The following CDKAL1 variants were observed in gnomAD, a reference collection of about 807,000 sequenced individuals.
The protein encoded by CDKAL1 is threonylcarbamoyladenosine tRNA methylthiotransferase.
CDKAL1 carries 32 observed loss-of-function variants against 68.2 expected under a neutral mutation model. The observed-to-expected ratio is 0.47, with a 90% CI of 0.35 to 0.63. The LOEUF (loss-of-function observed/expected upper bound fraction) is 0.63. Among genes scored for constraint, CDKAL1 ranks in the 30% least tolerant of loss-of-function variants. The pLI is 0.00. For missense variants in CDKAL1, 606 were observed against 696.7 expected (o/e 0.87, Z 1.47); for synonymous variants, 234 against 244.3 (o/e 0.96, Z 0.39).
At chr6:21,138,125 G>T (rs1224664646) in intron 13 of CDKAL1, among the ~76,000 whole-genome samples, 1 of 152,058 alleles carries the variant, frequency 6.6e-6, no homozygotes, top group Non-Finnish European at 1.5e-5. Flanking sequence ...AAATGTCTGG[G>T]TAAATAGTTT....
chr6:20,968,166 GT>G (rs897952341), intron 10 of CDKAL1, among the ~76,000 whole-genome samples: 15 of 134,418 alleles, frequency 1.1e-4, no homozygotes, highest in African/African-American at 2.7e-4. Flanking sequence ...TTTTTTTTTT[GT>G]TTTTTTTTTG....
intron 13 of CDKAL1, among the ~76,000 whole-genome samples, chr6:21,132,739 C>G (rs1238177378): frequency 6.6e-6 from 1 of 152,030 alleles, no homozygotes; most frequent in Non-Finnish European, 1.5e-5. Flanking sequence ...CTGTATTACT[C>G]TTCTGGAAGA....
chr6:20,584,719 C>T (rs918941759), intron 4 of CDKAL1, among the ~76,000 whole-genome samples: 10 of 152,130 alleles, frequency 6.6e-5, no homozygotes, highest in Non-Finnish European at 1.5e-4. Flanking sequence ...GCTAGGAACC[C>T]AAAGATGACA....
chr6:20,740,623 T>G (rs1773412880), intron 6 of CDKAL1, among the ~76,000 whole-genome samples: 1 of 152,192 alleles, frequency 6.6e-6, no homozygotes, highest in South Asian at 2.1e-4. Context: ...GGCATCTGCT[T>G]TGAACTTTAT....
chr6:20,943,765 T>A (rs1764103389), intron 9 of CDKAL1, among the ~76,000 whole-genome samples: 1 of 151,996 alleles, frequency 6.6e-6, no homozygotes, highest in African/African-American at 2.4e-5. Context: ...TCTGACTGTG[T>A]TCCTATTGAT....
chr6:21,226,047 G>A (rs1344324779), intron 15 of CDKAL1, among the ~76,000 whole-genome samples: 1 of 152,196 alleles, frequency 6.6e-6, no homozygotes, highest in Non-Finnish European at 1.5e-5. Flanking sequence ...AGAATCCTCA[G>A]ATGGAGCTGG....
chr6:21,221,239 A>G (rs1779529135), intron 15 of CDKAL1, among the ~76,000 whole-genome samples: 1 of 151,908 alleles, frequency 6.6e-6, no homozygotes, highest in African/African-American at 2.4e-5. Flanking sequence ...AATTTTTTTC[A>G]TGGAGGGGAA....
intron 9 of CDKAL1, among the ~76,000 whole-genome samples, chr6:20,922,269 C>T (rs1014372933): frequency 2.0e-5 from 3 of 152,078 alleles, no homozygotes; most frequent in Non-Finnish European, 4.4e-5. Context: ...AAGTCAGACA[C>T]GAAAGGAATC....
At chr6:20,722,479 C>T (rs1452997545) in intron 5 of CDKAL1, 1 of 312,504 alleles carries the variant, frequency 3.2e-6, no homozygotes, top group Non-Finnish European at 6.1e-6. Context: ...AGCCTTTTTA[C>T]AGAATTCCAG....
chr6:20,873,452 T>TTA (rs951638343), intron 9 of CDKAL1, among the ~76,000 whole-genome samples: 24 of 152,258 alleles, frequency 1.6e-4, no homozygotes, highest in African/African-American at 5.1e-4. Context: ...GTGATTATAT[T>TTA]TATAATCACG....
chr6:20,769,755 A>C (rs187646037), intron 7 of CDKAL1, among the ~76,000 whole-genome samples: 31 of 152,318 alleles, frequency 2.0e-4, no homozygotes, highest in African/African-American at 7.2e-4. Context: ...AACTGTAATT[A>C]ACTTCTGTCT....
intron 13 of CDKAL1, among the ~76,000 whole-genome samples, chr6:21,178,399 A>G (rs1777667140): frequency 6.6e-6 from 1 of 152,236 alleles, no homozygotes; most frequent in South Asian, 2.1e-4. Context: ...TGGAGAAAAT[A>G]TGAATTATGA....
intron 4 of CDKAL1, among the ~76,000 whole-genome samples, chr6:20,592,727 A>G (rs968355700): frequency 2.0e-5 from 3 of 152,096 alleles, no homozygotes; most frequent in Non-Finnish European, 2.9e-5. Context: ...TCGGCTTCCC[A>G]AAGTGCTGGG....
chr6:20,701,240 C>G (rs915932965), intron 5 of CDKAL1, among the ~76,000 whole-genome samples: 1 of 149,236 alleles, frequency 6.7e-6, no homozygotes. Context: ...TGGGCTCAAT[C>G]TCACCTATAC....
intron 13 of CDKAL1, among the ~76,000 whole-genome samples, chr6:21,115,214 A>C (rs971284253): frequency 6.6e-6 from 1 of 152,226 alleles, no homozygotes; most frequent in Non-Finnish European, 1.5e-5. Context: ...CACTTCACCC[A>C]GCTCTTTATG....
At chr6:20,902,739 A>G (rs576534645) in intron 9 of CDKAL1, among the ~76,000 whole-genome samples, 2 of 152,350 alleles carry the variant, frequency 1.3e-5, no homozygotes, top group South Asian at 4.1e-4. Flanking sequence ...GATATGGCAT[A>G]CAAAAAGGGA....
At chr6:20,848,392 A>G (rs150294465) in intron 9 of CDKAL1, among the ~76,000 whole-genome samples, 65 of 151,616 alleles carry the variant, frequency 4.3e-4, no homozygotes, top group African/African-American at 1.5e-3. Flanking sequence ...TAAAGTGATT[A>G]TGACTTTTTC....
chr6:21,124,460 C>G (rs149028168), intron 13 of CDKAL1, among the ~76,000 whole-genome samples: 1 of 152,130 alleles, frequency 6.6e-6, no homozygotes, highest in East Asian at 1.9e-4. Context: ...CCCAGCCCCA[C>G]TATATCCAGG....
At chr6:20,649,763 C>T (rs564704979) in intron 5 of CDKAL1, among the ~76,000 whole-genome samples, 48 of 152,280 alleles carry the variant, frequency 3.2e-4, no homozygotes, top group African/African-American at 1.1e-3. Flanking sequence ...GTTCCCCTCC[C>T]TGTGTCCATG....
Sources: allele counts gnomAD v4.1 joint callset (sites outside exome capture counted in the v4.1 genomes callset), GRCh38; gene constraint gnomAD v4.1.1; transcripts MANE v1.5; gene names NCBI Gene and HGNC (gene_info 2026-07-23, HGNC 2026-07-21).